Variants in HNF4G observed in about 807,000 individuals in gnomAD.
The protein encoded by HNF4G is hepatocyte nuclear factor 4-gamma.
Under a neutral mutation model 50.9 loss-of-function variants are expected in HNF4G, and 21 were observed. The observed-to-expected ratio is 0.41, with a 90% confidence interval of 0.29 to 0.59. The LOEUF (loss-of-function observed/expected upper bound fraction) is 0.59. Among genes scored for constraint, HNF4G ranks in the 20% least tolerant of loss-of-function variants. HNF4G has a pLI of 0.26. For synonymous variants in HNF4G, 198 were observed against 185.6 expected (o/e 1.07, Z -0.54); for missense variants, 527 against 559.4 (o/e 0.94, Z 0.58).
At chr8:75,523,940 C>T (rs1160739563) in intron 2 of HNF4G, among the ~76,000 whole-genome samples, 1 of 151,260 alleles carries the variant, frequency 6.6e-6, no homozygotes, top group Non-Finnish European at 1.5e-5. Flanking sequence ...TAGAAGACAC[C>T]TTATATGGGG....
intron 1 of HNF4G, among the ~76,000 whole-genome samples, chr8:75,454,547 A>G (rs1457272245): frequency 6.6e-6 from 1 of 152,058 alleles, no homozygotes; most frequent in Non-Finnish European, 1.5e-5. Context: ...CTCTCCAACC[A>G]CATTGGCCTA....
intron 2 of HNF4G, among the ~76,000 whole-genome samples, chr8:75,521,500 A>G (rs570426991): frequency 2.6e-5 from 4 of 152,152 alleles, no homozygotes; most frequent in Admixed American, 1.3e-4. Context: ...TCATTTAATA[A>G]TGGTGGTCAT....
intron 1 of HNF4G, among the ~76,000 whole-genome samples, chr8:75,456,087 G>A (rs531681548): frequency 2.0e-5 from 3 of 152,200 alleles, no homozygotes; most frequent in Non-Finnish European, 4.4e-5. Flanking sequence ...AGCTGGGGAC[G>A]TCTTTGTTCA....
At chr8:75,460,367 G>T (rs1811814508) in intron 1 of HNF4G, among the ~76,000 whole-genome samples, 1 of 152,124 alleles carries the variant, frequency 6.6e-6, no homozygotes, top group Non-Finnish European at 1.5e-5. Flanking sequence ...AAGGATGCTT[G>T]ACAAAAATAA....
intron 2 of HNF4G, among the ~76,000 whole-genome samples, chr8:75,526,180 G>A: frequency 1.3e-5 from 2 of 151,594 alleles, no homozygotes. Context: ...CCAGGCTGGA[G>A]TGCAGTGATA....
intron 2 of HNF4G, among the ~76,000 whole-genome samples, chr8:75,527,802 A>G (rs1806223534): frequency 6.6e-6 from 1 of 152,166 alleles, no homozygotes; most frequent in South Asian, 2.1e-4. Context: ...TGACTCATTT[A>G]TAAAATGTAT....
chr8:75,407,676 T>C (rs1246365440), upstream of HNF4G, among the ~76,000 whole-genome samples: 1 of 152,224 alleles, frequency 6.6e-6, no homozygotes, highest in Non-Finnish European at 1.5e-5. Context: ...CCTGTCGCCA[T>C]TGAGCAAAGC....
At chr8:75,482,297 T>C (rs1444886930) in intron 1 of HNF4G, among the ~76,000 whole-genome samples, 1 of 152,142 alleles carries the variant, frequency 6.6e-6, no homozygotes, top group Non-Finnish European at 1.5e-5. Context: ...TAATGGGACC[T>C]CCTTGTATTG....
chr8:75,561,536 T>TAGA (rs1807311762), intron 9 of HNF4G, among the ~76,000 whole-genome samples: 1 of 152,192 alleles, frequency 6.6e-6, no homozygotes, highest in South Asian at 2.1e-4. Context: ...CTGAACTGAA[T>TAGA]AGAAGATGCT....
chr8:75,469,204 A>T (rs893505828), intron 1 of HNF4G, among the ~76,000 whole-genome samples: 1 of 152,114 alleles, frequency 6.6e-6, no homozygotes, highest in African/African-American at 2.4e-5. Flanking sequence ...AAGCCCAACC[A>T]TGCAAGCAAT....
chr8:75,439,922 A>C (rs562843537), intron 1 of HNF4G, among the ~76,000 whole-genome samples: 78 of 152,094 alleles, frequency 5.1e-4, no homozygotes, highest in African/African-American at 1.9e-3. Context: ...ATTGATTTCT[A>C]TTGTCATGAA....
At position 75,563,186 on chromosome 8, in the gene HNF4G, G is replaced by A. The variant is rs564794575; in HGVS notation, c.1247-789G>A. Among the ~76,000 whole-genome samples the A allele has an allele frequency of 1.2e-4, 19 of 152,140 alleles. No homozygotes were observed. In the South Asian group the frequency reaches 1.9e-3, roughly 15 times the overall value. ...GTGGAATAATACAATAACAATAAGC[G>A]TGAGTACTAAAATATTTCAAGTTTC... On this transcript the variant is annotated intron_variant, in intron 9 of 9. Coordinates refer to ENST00000396423, the MANE Select transcript of HNF4G (RefSeq NM_004133.5).
intron 2 of HNF4G, among the ~76,000 whole-genome samples, chr8:75,490,773 A>C (rs1368009803): frequency 1.3e-5 from 2 of 152,160 alleles, no homozygotes; most frequent in African/African-American, 4.8e-5. Flanking sequence ...TGAAAACAAT[A>C]TTTTTTGTCC....
At chr8:75,433,809 G>A (rs897631618) in intron 1 of HNF4G, among the ~76,000 whole-genome samples, 2 of 152,054 alleles carry the variant, frequency 1.3e-5, no homozygotes, top group Non-Finnish European at 2.9e-5. Flanking sequence ...TAACACAACT[G>A]TATCAGCAAT....
At chr8:75,477,745 A>G (rs1812271685) in intron 1 of HNF4G, among the ~76,000 whole-genome samples, 1 of 152,028 alleles carries the variant, frequency 6.6e-6, no homozygotes, top group South Asian at 2.1e-4. Context: ...AAGTGGGCAG[A>G]TCACCTGAGG....
chr8:75,492,547 TCAC>T (rs939419239), intron 2 of HNF4G, among the ~76,000 whole-genome samples: 13 of 152,348 alleles, frequency 8.5e-5, no homozygotes, highest in Admixed American at 3.9e-4. Context: ...ATGATGGCCT[TCAC>T]CACAACTTCT....
intron 2 of HNF4G, among the ~76,000 whole-genome samples, chr8:75,526,382 A>C (rs925043752): frequency 6.6e-6 from 1 of 152,106 alleles, no homozygotes; most frequent in Non-Finnish European, 1.5e-5. Context: ...TTTGGCATTC[A>C]TTCTTGGACA....
chr8:75,504,269 AC>A (rs1454859969), intron 2 of HNF4G, among the ~76,000 whole-genome samples: 1,129 of 84,928 alleles, frequency 0.013, 14 homozygotes, highest in African/African-American at 0.071. Flanking sequence ...ACACACACAC[AC>A]ACACACCAAA....
intron 1 of HNF4G, among the ~76,000 whole-genome samples, chr8:75,540,385 C>T (rs1183085206): frequency 2.6e-5 from 4 of 152,056 alleles, no homozygotes; most frequent in African/African-American, 9.7e-5. Flanking sequence ...TGCTGTAAAT[C>T]ATAGTAATAT....
Sources: gnomAD v4.1 joint callset for allele counts (sites outside exome capture counted in the v4.1 genomes callset) on GRCh38, gnomAD v4.1.1 for gene constraint, MANE v1.5 for transcripts, NCBI Gene and HGNC (gene_info 2026-07-23, HGNC 2026-07-21) for gene names.